EDA: variants seen among roughly 807,000 people sequenced by gnomAD.
The protein encoded by EDA is ectodysplasin A.
Under a neutral mutation model 23.6 loss-of-function variants are expected in EDA, and 2 were observed. The observed-to-expected ratio is 0.08, with a 90% CI of 0.03 to 0.27. The LOEUF (loss-of-function observed/expected upper bound fraction) is 0.27, where lower values mean the gene tolerates loss of function less well. Ranked by LOEUF, EDA falls within the 10% of genes least tolerant of loss-of-function variation. EDA has a pLI of 1.00. For missense variants in EDA, 229 were observed against 324.2 expected (o/e 0.71, Z 2.26); for synonymous variants, 131 against 132.0 (o/e 0.99, Z 0.05).
rs770470841 is a variant in EDA, at chrX:69,616,760, G to A, written c.396+56G>A. On this transcript the variant is annotated intron_variant, in intron 1 of 7. Transcript: ENST00000374552. Reference sequence around the variant, plus strand: ...CCCTCCCCTCGCGGGTAGGGCGAGGGCCCTCCGCCACAGGGGCCTGGGAGC... The same window carrying A: ...CCCTCCCCTCGCGGGTAGGGCGAGGACCCTCCGCCACAGGGGCCTGGGAGC... 2.5e-6 allele frequency: 3 copies of A among 1,200,372 alleles called. No homozygotes were observed. In the South Asian group the frequency reaches 5.3e-5, roughly 21 times the overall value.
At chrX:69,638,848 T>A (rs1932807020) in intron 1 of EDA, among the ~76,000 whole-genome samples, 1 of 111,809 alleles carries the variant, frequency 8.9e-6, no homozygotes, top group Non-Finnish European at 1.9e-5. Context: ...TTCACAATGT[T>A]GTGCAATGAT....
At chrX:69,616,756 G>A in intron 1 of EDA, 52 bp downstream of exon 1, 1 of 1,203,560 alleles carries the variant, frequency 8.3e-7, no homozygotes. Context: ...CGGGTAGGGC[G>A]AGGGCCCTCC....
intron 1 of EDA, among the ~76,000 whole-genome samples, chrX:69,936,290 A>G (rs1320727815): frequency 9.0e-6 from 1 of 111,449 alleles, no homozygotes; most frequent in Non-Finnish European, 1.9e-5. Context: ...GTGTGCTATC[A>G]TAAAGTAACT....
At chrX:69,685,500 A>C (rs1934511993) in intron 1 of EDA, among the ~76,000 whole-genome samples, 1 of 112,264 alleles carries the variant, frequency 8.9e-6, no homozygotes, top group Admixed American at 9.5e-5. Context: ...TAATTTCAAA[A>C]CTTGAGTGAA....
chrX:69,731,974 A>G (rs1468936840), intron 1 of EDA, among the ~76,000 whole-genome samples: 1 of 111,540 alleles, frequency 9.0e-6, no homozygotes, highest in Non-Finnish European at 1.9e-5. Flanking sequence ...TATGAAGATT[A>G]GATGTTGAAT....
At chrX:70,017,396 A>C (rs1352977276) in intron 2 of EDA, among the ~76,000 whole-genome samples, 3 of 111,592 alleles carry the variant, frequency 2.7e-5, no homozygotes, top group Admixed American at 9.5e-5. Flanking sequence ...CTTGGCAGAG[A>C]CAAAAAAAAC....
intron 1 of EDA, among the ~76,000 whole-genome samples, chrX:69,782,558 T>C (rs1305630770): frequency 9.0e-6 from 1 of 110,878 alleles, no homozygotes; most frequent in African/African-American, 3.3e-5. Flanking sequence ...ATAGTGGTAC[T>C]TGTTTTAAAC....
chrX:69,738,033 G>A (rs1260809246), intron 1 of EDA, among the ~76,000 whole-genome samples: 1 of 111,477 alleles, frequency 9.0e-6, no homozygotes, highest in Non-Finnish European at 1.9e-5. Context: ...GTTATGGTAT[G>A]CCTTAGTATG....
intron 1 of EDA, among the ~76,000 whole-genome samples, chrX:69,665,746 A>G (rs956651056): frequency 4.5e-5 from 5 of 111,585 alleles, no homozygotes; most frequent in African/African-American, 1.6e-4. Context: ...ATCAGGAAGT[A>G]TGATGCCTCC....
At position 69,616,238 on chromosome X, in the gene EDA, C is replaced by T; in HGVS notation, c.-71C>T. 8.9e-7 allele frequency: 1 copy of T among 1,122,763 alleles called. No individual in the cohort carries two copies. Among genetic ancestry groups the T allele is most frequent in the Non-Finnish European group, 1.2e-6 (1 of 845,489 alleles). 92.5% of individuals were successfully genotyped at this position (1,122,763 alleles called of 1,213,427 possible). A position where few individuals can be genotyped will look rare whatever the true frequency, so the allele number is the denominator to read the frequency against. ...CGATGGCAGGACAGTAGCCGCCTGTCAGAGGTCGTGAACGGCTGAGGCAGA... is the reference window on the plus strand; with the variant it reads ...CGATGGCAGGACAGTAGCCGCCTGTTAGAGGTCGTGAACGGCTGAGGCAGA... On this transcript the variant is annotated 5_prime_UTR_variant, in exon 1 of 8. Transcript: ENST00000374552.
At chrX:69,847,003 A>G (rs1307381923) in intron 1 of EDA, among the ~76,000 whole-genome samples, 1 of 111,853 alleles carries the variant, frequency 8.9e-6, no homozygotes, top group Non-Finnish European at 1.9e-5. Context: ...AAAGTAGCTT[A>G]TTCAGATGCT....
intron 1 of EDA, among the ~76,000 whole-genome samples, chrX:69,629,908 C>T (rs146391725): frequency 9.0e-6 from 1 of 111,416 alleles, no homozygotes; most frequent in African/African-American, 3.3e-5. Flanking sequence ...ACTCACGTGC[C>T]AGGTCACGAG....
chrX:69,806,882 T>C (rs896515465), intron 1 of EDA, among the ~76,000 whole-genome samples: 1 of 110,801 alleles, frequency 9.0e-6, no homozygotes. Flanking sequence ...AGGGAGACAG[T>C]AGAGCAAGAA....
chrX:69,764,894 G>A (rs143727741), intron 1 of EDA, among the ~76,000 whole-genome samples: 32 of 111,443 alleles, frequency 2.9e-4, no homozygotes, highest in African/African-American at 9.8e-4. Flanking sequence ...TCAATGGTTA[G>A]CATGCAATTC....
intron 1 of EDA, among the ~76,000 whole-genome samples, chrX:69,827,218 C>G (rs764726893): frequency 8.9e-6 from 1 of 111,743 alleles, no homozygotes; most frequent in South Asian, 3.8e-4. Context: ...GTGGCATTCT[C>G]TGTATTTCCT....
chrX:69,929,129 T>C (rs1366302158), intron 1 of EDA, among the ~76,000 whole-genome samples: 1 of 111,529 alleles, frequency 9.0e-6, no homozygotes, highest in Non-Finnish European at 1.9e-5. Flanking sequence ...TACCAGCTGA[T>C]AAGAGATGAG....
intron 1 of EDA, among the ~76,000 whole-genome samples, chrX:69,711,887 C>A (rs1362954030): frequency 2.2e-4 from 24 of 111,243 alleles, no homozygotes; most frequent in Non-Finnish European, 4.0e-4. Context: ...TCTCTCTTCT[C>A]TTCTTTATTA....
chrX:69,679,251 G>A (rs375777685), intron 1 of EDA, among the ~76,000 whole-genome samples: 3,043 of 101,569 alleles, frequency 0.03, 84 homozygotes, highest in Non-Finnish European at 0.046. Context: ...TTTTTGCATC[G>A]ATGTTCATCA....
At chrX:69,763,931 A>G (rs747341148) in intron 1 of EDA, among the ~76,000 whole-genome samples, 2 of 111,779 alleles carry the variant, frequency 1.8e-5, no homozygotes, top group South Asian at 7.6e-4. Context: ...TTAGAAAACC[A>G]GACTAGCGTT....
Sources: gnomAD v4.1 joint callset for allele counts (sites outside exome capture counted in the v4.1 genomes callset) on GRCh38, gnomAD v4.1.1 for gene constraint, MANE v1.5 for transcripts, NCBI Gene and HGNC (gene_info 2026-07-23, HGNC 2026-07-21) for gene names.